Variants in FER observed in about 807,000 individuals in gnomAD.
FER encodes tyrosine-protein kinase Fer.
Under a neutral mutation model 111.0 loss-of-function variants are expected in FER, and 63 were observed. That is an observed-to-expected ratio of 0.57 (90% CI 0.46 to 0.70). The LOEUF (loss-of-function observed/expected upper bound fraction) is 0.70, where lower values mean the gene tolerates loss of function less well. Ranked by LOEUF, FER falls within the 30% of genes least tolerant of loss-of-function variation. The pLI is 0.00. For synonymous variants in FER, 327 were observed against 313.9 expected, an observed-to-expected ratio of 1.04 and a Z score of -0.44; for missense variants, 914 against 954.0, an observed-to-expected ratio of 0.96 and a Z score of 0.55.
intron 5 of FER, among the ~76,000 whole-genome samples, chr5:108,861,769 T>C (rs1763546147): frequency 6.6e-6 from 1 of 152,204 alleles, no homozygotes; most frequent in East Asian, 1.9e-4. Context: ...GCAATAATTT[T>C]GTTAAGTAAA....
chr5:108,937,660 G>A (rs1013640855), intron 10 of FER, among the ~76,000 whole-genome samples: 1 of 151,840 alleles, frequency 6.6e-6, no homozygotes, highest in African/African-American at 2.4e-5. Context: ...AGTGTGGTAG[G>A]GGAATAAATG....
At chr5:108,993,622 C>CGAGGGT (rs1763600526) in intron 13 of FER, among the ~76,000 whole-genome samples, 1 of 106,360 alleles carries the variant, frequency 9.4e-6, no homozygotes, top group African/African-American at 3.5e-5. Flanking sequence ...AGGGCAAGGG[C>CGAGGGT]GAGGGCGAGG....
intron 5 of FER, among the ~76,000 whole-genome samples, chr5:108,853,375 A>C (rs1352391763): frequency 3.9e-5 from 6 of 152,250 alleles, no homozygotes; most frequent in African/African-American, 1.2e-4. Flanking sequence ...TTTAGAGCAG[A>C]AGATAGCTGA....
intron 15 of FER, among the ~76,000 whole-genome samples, chr5:109,045,311 A>G (rs1037951854): frequency 6.6e-6 from 1 of 151,202 alleles, no homozygotes; most frequent in East Asian, 1.9e-4. Context: ...ATATATATAC[A>G]TTATATACCT....
intron 5 of FER, among the ~76,000 whole-genome samples, chr5:108,858,419 C>A (rs567019101): frequency 1.3e-5 from 2 of 152,260 alleles, no homozygotes; most frequent in African/African-American, 4.8e-5. Flanking sequence ...TAATCAAATA[C>A]TGTTTTCCAA....
chr5:108,899,473 T>A (rs1366477367), intron 10 of FER, among the ~76,000 whole-genome samples: 1 of 152,132 alleles, frequency 6.6e-6, no homozygotes, highest in Non-Finnish European at 1.5e-5. Context: ...TTTATAATAT[T>A]TCCCTGTTAC....
chr5:108,807,015 C>T (rs1034753151), intron 3 of FER, among the ~76,000 whole-genome samples: 15 of 152,022 alleles, frequency 9.9e-5, no homozygotes, highest in Non-Finnish European at 1.6e-4. Context: ...ATTTTAACTC[C>T]CACAATTCCC....
intron 5 of FER, among the ~76,000 whole-genome samples, chr5:108,861,337 T>C (rs993114758): frequency 6.6e-6 from 1 of 152,234 alleles, no homozygotes; most frequent in African/African-American, 2.4e-5. Flanking sequence ...AATGTCAAAC[T>C]TACATAATTG....
At chr5:108,752,973 C>T (rs140876986) in intron 1 of FER, among the ~76,000 whole-genome samples, 8 of 151,904 alleles carry the variant, frequency 5.3e-5, no homozygotes, top group African/African-American at 1.2e-4. Context: ...GTCAGATAAT[C>T]GGGTTTTAGT....
intron 8 of FER, among the ~76,000 whole-genome samples, chr5:108,882,806 T>G (rs753482911): frequency 4.0e-5 from 6 of 151,830 alleles, no homozygotes; most frequent in Admixed American, 1.3e-4. Context: ...TCAATGCATT[T>G]TATACAAACA....
At chr5:109,106,227 A>G (rs1748907189) in intron 17 of FER, among the ~76,000 whole-genome samples, 1 of 152,252 alleles carries the variant, frequency 6.6e-6, no homozygotes, top group African/African-American at 2.4e-5. Context: ...AAAACAGAAG[A>G]GGGTTCTGAA....
In FER at chr5:108,998,407, G is replaced by A. The variant is rs542995057; in HGVS notation, c.1657-39015G>A. ...TCCCTTGGCCAGGGGAGGGAAATTC[G>A]CTAACACCCCTTGTGCTTCCTGGGT... On this transcript the variant is annotated intron_variant, in intron 13 of 19. Coordinates refer to ENST00000281092, the MANE Select transcript of FER (RefSeq NM_005246.4). Among the ~76,000 whole-genome samples the A allele has an allele frequency of 5.3e-5, 8 of 152,104 alleles. No individual in the cohort carries two copies. In the East Asian group the frequency reaches 5.8e-4, roughly 11 times the overall value.
At chr5:108,998,531 C>T (rs957405170) in intron 13 of FER, among the ~76,000 whole-genome samples, 1 of 152,162 alleles carries the variant, frequency 6.6e-6, no homozygotes, top group Non-Finnish European at 1.5e-5. Context: ...GTTACAAATG[C>T]AGAAATCCCC....
intron 16 of FER, among the ~76,000 whole-genome samples, chr5:109,096,215 T>C (rs1747492244): frequency 1.3e-5 from 2 of 152,000 alleles, no homozygotes; most frequent in South Asian, 2.1e-4. Flanking sequence ...TTGAAAATAA[T>C]AGCCACCTAT....
chr5:108,893,685 C>T (rs1438404860), intron 9 of FER, among the ~76,000 whole-genome samples: 1 of 151,892 alleles, frequency 6.6e-6, no homozygotes, highest in Non-Finnish European at 1.5e-5. Context: ...TTTGTGTGAG[C>T]GGCTGAATGA....
chr5:108,956,993 G>A (rs1758512226), intron 12 of FER, among the ~76,000 whole-genome samples: 1 of 151,580 alleles, frequency 6.6e-6, no homozygotes, highest in South Asian at 2.1e-4. Context: ...AGGTTATAAA[G>A]TAATACAAGA....
At chr5:108,819,397 T>G (rs868186150) in intron 3 of FER, among the ~76,000 whole-genome samples, 1 of 152,124 alleles carries the variant, frequency 6.6e-6, no homozygotes, top group South Asian at 2.1e-4. Flanking sequence ...CCTCCAAGCA[T>G]CAGGTTATGT....
intron 3 of FER, among the ~76,000 whole-genome samples, chr5:108,822,771 T>TATTTTATTTTATGTG (rs1554072166): frequency 0.023 from 3,348 of 145,490 alleles, 79 homozygotes; most frequent in Non-Finnish European, 0.035. Flanking sequence ...TTATTTATTT[T>TATTTTATTTTATGTG]ATTTTATGTT....
chr5:109,118,612 C>T (rs554026837), intron 17 of FER, among the ~76,000 whole-genome samples: 10 of 152,120 alleles, frequency 6.6e-5, no homozygotes, highest in Admixed American at 2.0e-4. Context: ...TCTGGTAGAA[C>T]TCAGCTGTGA....
Sources: allele counts gnomAD v4.1 joint callset (sites outside exome capture counted in the v4.1 genomes callset), GRCh38; gene constraint gnomAD v4.1.1; transcripts MANE v1.5; gene names NCBI Gene and HGNC (gene_info 2026-07-23, HGNC 2026-07-21).